Variants in CHIC1 observed in about 807,000 individuals in gnomAD.
CHIC1 encodes cysteine rich hydrophobic domain 1, also known as cysteine-rich hydrophobic domain-containing protein 1.
In CHIC1, 7 loss-of-function variants were observed where a neutral mutation model predicts 18.5. That is an observed-to-expected ratio of 0.38 (90% CI 0.22 to 0.71). The LOEUF (loss-of-function observed/expected upper bound fraction) is 0.71. Ranked by LOEUF, CHIC1 falls within the 30% of genes least tolerant of loss-of-function variation. The pLI is 0.49. For missense variants in CHIC1, 159 were observed against 176.9 expected, an observed-to-expected ratio of 0.90 and a Z score of 0.57; for synonymous variants, 77 against 73.5, an observed-to-expected ratio of 1.05 and a Z score of -0.25.
At chrX:73,575,979 T>TA (rs1397912219) in intron 1 of CHIC1, among the ~76,000 whole-genome samples, 1 of 110,025 alleles carries the variant, frequency 9.1e-6, no homozygotes, top group Non-Finnish European at 1.9e-5. Context: ...ATTTTTTTTT[T>TA]ACTTTTTAAA....
intron 3 of CHIC1, among the ~76,000 whole-genome samples, chrX:73,584,840 G>C (rs1019684579): frequency 9.0e-6 from 1 of 111,090 alleles, no homozygotes; most frequent in African/African-American, 3.3e-5. Flanking sequence ...ATGTAAGTGG[G>C]CTACTTATTC....
chrX:73,624,534 T>C (rs1457713486), intron 3 of CHIC1, among the ~76,000 whole-genome samples: 1 of 112,396 alleles, frequency 8.9e-6, no homozygotes, highest in Non-Finnish European at 1.9e-5. Flanking sequence ...ACAGTTCTAT[T>C]GCTCTTCCCA....
chrX:73,627,349 A>G (rs925443691), intron 3 of CHIC1, among the ~76,000 whole-genome samples: 3 of 112,035 alleles, frequency 2.7e-5, no homozygotes, highest in Non-Finnish European at 5.6e-5. Context: ...GAGCTCTACA[A>G]TCAGGTGGCA....
intron 3 of CHIC1, among the ~76,000 whole-genome samples, chrX:73,645,962 C>G (rs1394825524): frequency 9.0e-6 from 1 of 111,581 alleles, no homozygotes; most frequent in African/African-American, 3.3e-5. Context: ...AATTACTACC[C>G]AGACCAGTGT....
intron 3 of CHIC1, among the ~76,000 whole-genome samples, chrX:73,655,483 C>CATATACAT (rs2057940641): frequency 1.9e-5 from 1 of 53,932 alleles, no homozygotes; most frequent in African/African-American, 6.6e-5. Flanking sequence ...TACATATATA[C>CATATACAT]ACAATATTGT....
intron 3 of CHIC1, among the ~76,000 whole-genome samples, chrX:73,627,547 C>G (rs2057789412): frequency 8.9e-6 from 1 of 112,306 alleles, no homozygotes; most frequent in Non-Finnish European, 1.9e-5. Context: ...CTCTTCTTCC[C>G]TTTCCAAAGG....
intron 3 of CHIC1, among the ~76,000 whole-genome samples, chrX:73,588,241 G>C (rs2057562790): frequency 9.0e-6 from 1 of 110,994 alleles, no homozygotes; most frequent in South Asian, 3.7e-4. Flanking sequence ...CATCCTAAGA[G>C]TAAACCTTGT....
chrX:73,656,361 G>A (rs12011041), intron 3 of CHIC1, among the ~76,000 whole-genome samples: 3,766 of 111,144 alleles, frequency 0.034, 159 homozygotes, highest in African/African-American at 0.12. Context: ...CATCTTCATC[G>A]TGAAATGTTT....
At chrX:73,655,094 C>T (rs2057935337) in intron 3 of CHIC1, among the ~76,000 whole-genome samples, 1 of 109,782 alleles carries the variant, frequency 9.1e-6, no homozygotes, top group Non-Finnish European at 1.9e-5. Flanking sequence ...TGTGTTGTTC[C>T]CCACTGTGTG....
rs143079173 is a variant in CHIC1 at position 73,595,884 on chromosome X, G to A, written c.507+11312G>A. The stretch of plus-strand genomic sequence containing the variant: ...TCACCATTCTAACTGGAGTGACATG[G>A]TATCTCATTGTGGTTTTGATTTGCA... On this transcript the variant is annotated intron_variant, in intron 3 of 5. Transcript: ENST00000373502. Among the ~76,000 whole-genome samples the A allele has an allele frequency of 1.3e-4, 15 of 111,365 alleles. No homozygotes were observed. In the East Asian group the frequency reaches 4.3e-3, roughly 32 times the overall value.
intron 3 of CHIC1, among the ~76,000 whole-genome samples, chrX:73,676,057 G>T (rs1344265708): frequency 9.0e-6 from 1 of 111,571 alleles, no homozygotes; most frequent in East Asian, 2.8e-4. Flanking sequence ...CTGAATATTG[G>T]CCCCCACTCT....
At chrX:73,644,904 T>A (rs2057880538) in intron 3 of CHIC1, among the ~76,000 whole-genome samples, 1 of 112,307 alleles carries the variant, frequency 8.9e-6, no homozygotes, top group African/African-American at 3.2e-5. Context: ...GGGTACTCCC[T>A]GACCCCTTGC....
intron 3 of CHIC1, among the ~76,000 whole-genome samples, chrX:73,611,039 CT>C (rs1199084250): frequency 9.7e-6 from 1 of 103,548 alleles, no homozygotes; most frequent in Non-Finnish European, 1.9e-5. Flanking sequence ...TATTATTATA[CT>C]TTAAGTTTTA....
At chrX:73,642,018 C>G (rs907369961) in intron 3 of CHIC1, among the ~76,000 whole-genome samples, 6 of 111,549 alleles carry the variant, frequency 5.4e-5, no homozygotes, top group Non-Finnish European at 1.1e-4. Context: ...ATTTATAGTC[C>G]TTTGGGTATA....
rs990758034 is a variant in CHIC1 at position 73,686,336 on chromosome X, C to A, written c.*5331C>A. On this transcript the variant is annotated 3_prime_UTR_variant, in exon 6 of 6. Coordinates refer to ENST00000373502, the MANE Select transcript of CHIC1 (RefSeq NM_001039840.4). The stretch of plus-strand genomic sequence containing the variant: ...ATAACTTCAGGTTAGAATTTGCCTT[C>A]AGTTTTTTTTCTGTTTTAGAATATC... The A allele has an allele frequency of 9.0e-6, 1 of 111,106 alleles. No homozygotes were observed. Among genetic ancestry groups the A allele is most frequent in the African/African-American group, 3.3e-5 (1 of 30,675 alleles). The allele number at this position is 111,106 out of a possible 1,213,427, so 9.2% of individuals were successfully genotyped here. A position where few individuals can be genotyped will look rare whatever the true frequency, so the allele number is the denominator to read the frequency against.
At chrX:73,565,881 T>C (rs770369238) in intron 1 of CHIC1, among the ~76,000 whole-genome samples, 1 of 111,520 alleles carries the variant, frequency 9.0e-6, no homozygotes, top group Admixed American at 9.5e-5. Flanking sequence ...TTTTTTTCCA[T>C]TCTTTGTGCA....
intron 3 of CHIC1, among the ~76,000 whole-genome samples, chrX:73,615,881 G>A (rs985920663): frequency 1.1e-4 from 12 of 111,215 alleles, no homozygotes; most frequent in African/African-American, 3.6e-4. Flanking sequence ...GGGGGCATGT[G>A]TTTTGCTTGT....
intron 3 of CHIC1, among the ~76,000 whole-genome samples, chrX:73,603,113 A>G (rs1482324402): frequency 9.2e-6 from 1 of 108,363 alleles, no homozygotes; most frequent in African/African-American, 3.6e-5. Context: ...CAGTATGGCC[A>G]TTTTCACGAT....
intron 3 of CHIC1, among the ~76,000 whole-genome samples, chrX:73,646,276 T>C (rs939772391): frequency 1.6e-4 from 18 of 112,131 alleles, no homozygotes; most frequent in Non-Finnish European, 3.0e-4. Context: ...ATTTATGCTG[T>C]TACCATGCAG....
Sources: gnomAD v4.1 joint callset for allele counts (sites outside exome capture counted in the v4.1 genomes callset) on GRCh38, gnomAD v4.1.1 for gene constraint, MANE v1.5 for transcripts, NCBI Gene and HGNC (gene_info 2026-07-23, HGNC 2026-07-21) for gene names.